FAM13A: variants seen among roughly 807,000 people sequenced by gnomAD.
The protein encoded by FAM13A is family with sequence similarity 13 member A, also known as protein FAM13A.
In FAM13A, 76 loss-of-function variants were observed where a neutral mutation model predicts 129.6. That is an observed-to-expected ratio of 0.59 (90% CI 0.49 to 0.71). The LOEUF is 0.71. FAM13A is among the 30% of genes least tolerant of loss of function. The pLI, the probability that FAM13A is intolerant of heterozygous loss-of-function variation, is 0.00. For synonymous variants in FAM13A, 443 were observed against 449.9 expected (o/e 0.98, Z 0.20); for missense variants, 1,108 against 1,249.3 (o/e 0.89, Z 1.70).
At chr4:88,838,609 C>G (rs901516605) in intron 7 of FAM13A, among the ~76,000 whole-genome samples, 8 of 152,134 alleles carry the variant, frequency 5.3e-5, no homozygotes, top group African/African-American at 1.9e-4. Context: ...CGCCTGTAGT[C>G]CCAGCTACTC....
At chr4:88,955,196 G>A (rs989478848) in intron 4 of FAM13A, among the ~76,000 whole-genome samples, 6 of 151,966 alleles carry the variant, frequency 3.9e-5, no homozygotes, top group Non-Finnish European at 5.9e-5. Flanking sequence ...GTAGAATTAC[G>A]TATTAATTAG....
chr4:88,790,631 C>T lies in FAM13A; in HGVS notation c.1050-4G>A, dbSNP rs1249294653. 3 of 1,610,000 alleles carry T rather than the reference C, an allele frequency of 1.9e-6. No individual in the cohort carries two copies. Among genetic ancestry groups the T allele is most frequent in the Non-Finnish European group, 2.5e-6 (3 of 1,177,936 alleles). ...GCTGACTTGGGGTACATGAGCACTG[C>T]AGAAAAGAAGCAAAGAGAAAGTCAG... is the stretch of plus-strand genomic sequence containing the variant. On this transcript the variant is annotated splice_polypyrimidine_tract_variant and splice_region_variant and intron_variant, in intron 8 of 23. Coordinates refer to ENST00000264344, the MANE Select transcript of FAM13A (RefSeq NM_014883.4).
At chr4:88,881,469 A>G (rs1743553702) in intron 6 of FAM13A, among the ~76,000 whole-genome samples, 1 of 152,208 alleles carries the variant, frequency 6.6e-6, no homozygotes, top group Non-Finnish European at 1.5e-5. Flanking sequence ...AAAAAAGCAT[A>G]TAAACAGCTG....
intron 2 of FAM13A, among the ~76,000 whole-genome samples, chr4:89,024,245 G>A (rs1214830674): frequency 6.6e-6 from 1 of 152,108 alleles, no homozygotes; most frequent in Non-Finnish European, 1.5e-5. Context: ...CAATAAGTAA[G>A]CACATTCTGA....
intron 4 of FAM13A, among the ~76,000 whole-genome samples, chr4:88,986,768 T>C (rs1762292975): frequency 6.6e-6 from 1 of 152,246 alleles, no homozygotes; most frequent in Non-Finnish European, 1.5e-5. Context: ...ATTTTCACTG[T>C]CAGAGTATAG....
intron 5 of FAM13A, among the ~76,000 whole-genome samples, chr4:88,912,440 A>C (rs942376236): frequency 6.6e-6 from 1 of 152,052 alleles, no homozygotes. Context: ...TCGGATTTAG[A>C]CTGAGCCATG....
intron 7 of FAM13A, among the ~76,000 whole-genome samples, chr4:88,819,743 C>G (rs1903002): frequency 0.59 from 89,231 of 152,006 alleles, 26,824 homozygotes; most frequent in East Asian, 0.72. Flanking sequence ...TTTTCCGATG[C>G]TAAGAATATC....
In FAM13A at chr4:88,787,761, C is replaced by T. The variant is rs1434892773; in HGVS notation, c.1263G>A (p.Gly421=). 6.2e-7 allele frequency: 1 copy of T among 1,612,946 alleles called. No individual in the cohort carries two copies. Among genetic ancestry groups the T allele is most frequent in the Non-Finnish European group, 8.5e-7 (1 of 1,179,446 alleles). ...QSKEQDEVRH[G]RDKGLINKEN... Reference sequence around the variant, plus strand: ...AATCAATGCCAACTCACTTGTCTCTCCCATGTCGAACTTCATCCTGCTCCT... The same window carrying T: ...AATCAATGCCAACTCACTTGTCTCTTCCATGTCGAACTTCATCCTGCTCCT... The change falls in exon 10 of 24, where the codon GGG becomes GGA. Residue 421 remains glycine, a synonymous_variant. Coordinates refer to ENST00000264344, the MANE Select transcript of FAM13A (RefSeq NM_014883.4).
At chr4:89,000,727 A>G (rs542651963) in intron 3 of FAM13A, among the ~76,000 whole-genome samples, 2 of 152,350 alleles carry the variant, frequency 1.3e-5, no homozygotes, top group East Asian at 3.9e-4. Context: ...GTTGACTTCA[A>G]AATCAAGCAT....
At chr4:88,934,912 C>T (rs1389524420) in intron 5 of FAM13A, among the ~76,000 whole-genome samples, 3 of 152,186 alleles carry the variant, frequency 2.0e-5, no homozygotes, top group Non-Finnish European at 4.4e-5. Context: ...TCCAAAATTT[C>T]CTTCACTGGA....
intron 1 of FAM13A, among the ~76,000 whole-genome samples, chr4:89,053,133 T>C (rs796937673): frequency 2.0e-5 from 3 of 152,310 alleles, no homozygotes; most frequent in African/African-American, 7.2e-5. Flanking sequence ...TTCCACAAAA[T>C]ACTAGAACAC....
chr4:88,726,081 C>G lies in FAM13A; in HGVS notation c.*2452G>C, dbSNP rs1474165885. ...ATTCCCAACACAGCAAAGGAAAAAT[C>G]CCAGTCCAGAGCATTTTGTCTTTGT... On this transcript the variant is annotated 3_prime_UTR_variant, in exon 24 of 24. Transcript: ENST00000264344. 1 of 152,182 alleles carries G rather than the reference C, an allele frequency of 6.6e-6. No individual in the cohort carries two copies. Among genetic ancestry groups the G allele is most frequent in the Non-Finnish European group, 1.5e-5 (1 of 68,030 alleles). 9.4% of individuals were successfully genotyped at this position (152,182 alleles called of 1,614,324 possible). A position where few individuals can be genotyped will look rare whatever the true frequency, so the allele number is the denominator to read the frequency against.
Position 88,750,481 on chromosome 4 carries a change from T to C in FAM13A, c.1883A>G (p.Gln628Arg). Residue 628 changes from glutamine (Q) to arginine (R), a missense_variant, in exon 15 of 24, where the codon CAA (glutamine) becomes CGA (arginine). Physicochemically the swap from Gln to Arg is conservative, Grantham distance 43 (BLOSUM62 1). This residue lies in a region of FAM13A where 529 missense variants were observed against 621.2 expected (regional missense o/e 0.85). Transcript: ENST00000264344. ...PRFYAYGQSR[Q>R]YLDDTEVPPS... Reference sequence around the variant, plus strand: ...AGGCACTTCTGTGTCATCCAGGTATTGCCTGCTCTGCCCATAAGCGTAGAA... The same window carrying C: ...AGGCACTTCTGTGTCATCCAGGTATCGCCTGCTCTGCCCATAAGCGTAGAA... 4 of 1,614,168 alleles carry C rather than the reference T, an allele frequency of 2.5e-6. No individual in the cohort carries two copies. The highest frequency in any genetic ancestry group is 3.4e-6 in the Non-Finnish European group (4 of 1,180,020).
intron 7 of FAM13A, chr4:88,822,887 C>A: frequency 6.4e-7 from 1 of 1,557,848 alleles, no homozygotes; most frequent in Non-Finnish European, 8.7e-7. Flanking sequence ...CAGCATGTTA[C>A]TAAAAGATGC....
At chr4:88,933,096 T>C (rs924955095) in intron 5 of FAM13A, among the ~76,000 whole-genome samples, 2 of 152,156 alleles carry the variant, frequency 1.3e-5, no homozygotes, top group African/African-American at 2.4e-5. Flanking sequence ...ATGACATATA[T>C]ATGCTCTGAA....
chr4:88,970,848 T>A (rs1759983336), intron 4 of FAM13A, among the ~76,000 whole-genome samples: 1 of 151,690 alleles, frequency 6.6e-6, no homozygotes, highest in Non-Finnish European at 1.5e-5. Context: ...TGAGATGAAA[T>A]TAATGACTTG....
intron 4 of FAM13A, among the ~76,000 whole-genome samples, chr4:88,966,000 T>A (rs1031734046): frequency 2.6e-5 from 4 of 152,226 alleles, no homozygotes; most frequent in African/African-American, 9.6e-5. Flanking sequence ...GCTATTGTAA[T>A]GCAGCTATGA....
At chr4:88,985,165 G>T (rs748904422) in intron 4 of FAM13A, among the ~76,000 whole-genome samples, 3 of 152,140 alleles carry the variant, frequency 2.0e-5, no homozygotes, top group Non-Finnish European at 4.4e-5. Flanking sequence ...AAAACATTTT[G>T]CTAAGTGAAA....
chr4:89,023,431 TG>T (rs1038682366), intron 2 of FAM13A, among the ~76,000 whole-genome samples: 2 of 151,970 alleles, frequency 1.3e-5, no homozygotes, highest in African/African-American at 4.8e-5. Context: ...CACATGATGT[TG>T]TTTTTTTTTT....
Sources: gnomAD v4.1 joint callset for allele counts (sites outside exome capture counted in the v4.1 genomes callset) on GRCh38, gnomAD v4.1.1 for gene constraint, gnomAD v4.1.1 regional missense constraint, MANE v1.5 for transcripts, NCBI Gene and HGNC (gene_info 2026-07-23, HGNC 2026-07-21) for gene names.